The following DAAM1 variants were observed in gnomAD, a reference collection of about 807,000 sequenced individuals.
DAAM1 encodes dishevelled associated activator of morphogenesis 1.
DAAM1 carries 52 observed loss-of-function variants against 130.0 expected under a neutral mutation model. That is an observed-to-expected ratio of 0.40 (90% CI 0.32 to 0.50). The LOEUF is 0.50. Among genes scored for constraint, DAAM1 ranks in the 20% least tolerant of loss-of-function variants. The probability of loss-of-function intolerance (pLI) is 0.61; values close to 1 mark genes in which losing one functional copy is unlikely to be tolerated. For synonymous variants in DAAM1, 452 were observed against 444.5 expected, an observed-to-expected ratio of 1.02 and a Z score of -0.21; for missense variants, 1,134 against 1,303.8, an observed-to-expected ratio of 0.87 and a Z score of 2.01.
chr14:59,210,133 C>A (rs76558755), intron 1 of DAAM1, among the ~76,000 whole-genome samples: 1 of 152,020 alleles, frequency 6.6e-6, no homozygotes, highest in Non-Finnish European at 1.5e-5. Context: ...CTGAATGAGA[C>A]CCTGTCTCTA....
chr14:59,220,569 A>G lies in DAAM1; in HGVS notation c.-38+31801A>G, dbSNP rs558393970. Reference sequence around the variant, plus strand: ...GACCAATAGGAAATCTGTCAAGGGGATTTATTGTAGGAAGGCCAAGGAGTC... The same window carrying G: ...GACCAATAGGAAATCTGTCAAGGGGGTTTATTGTAGGAAGGCCAAGGAGTC... On this transcript the variant is annotated intron_variant, in intron 1 of 24. Coordinates refer to ENST00000360909, the MANE Select transcript of DAAM1 (RefSeq NM_001270520.2). 3.3e-5 allele frequency among the ~76,000 whole-genome samples: 5 copies of G among 152,156 alleles called. No homozygotes were observed. The East Asian group carries it at 9.7e-4, about 29-fold the overall frequency.
chr14:59,338,889 C>G (rs569658823), intron 15 of DAAM1, among the ~76,000 whole-genome samples: 1 of 152,130 alleles, frequency 6.6e-6, no homozygotes, highest in Non-Finnish European at 1.5e-5. Context: ...AATTTAGATG[C>G]TTGATATGCT....
At chr14:59,283,680 C>T (rs1040630013) in intron 2 of DAAM1, among the ~76,000 whole-genome samples, 1 of 152,100 alleles carries the variant, frequency 6.6e-6, no homozygotes, top group Non-Finnish European at 1.5e-5. Flanking sequence ...AAATGATGTA[C>T]CTCTCCTGGA....
intron 1 of DAAM1, among the ~76,000 whole-genome samples, chr14:59,243,980 G>A (rs189026109): frequency 2.0e-5 from 3 of 152,278 alleles, no homozygotes; most frequent in Admixed American, 2.0e-4. Context: ...AAGGGAACAT[G>A]GAAGTTACTG....
At chr14:59,254,953 C>G (rs190588741) in intron 1 of DAAM1, among the ~76,000 whole-genome samples, 19 of 152,194 alleles carry the variant, frequency 1.2e-4, no homozygotes, top group African/African-American at 3.9e-4. Context: ...TATGCATGGA[C>G]TTCACCTGGG....
chr14:59,291,551 A>T (rs928470357), intron 3 of DAAM1: 3 of 444,134 alleles, frequency 6.8e-6, no homozygotes, highest in Non-Finnish European at 1.2e-5. Context: ...GAAACCCAAA[A>T]TAACGTTTGC....
chr14:59,327,402 C>CTTTTTTTTTTTTTTTTTTTTTTTTTTT lies in DAAM1; in HGVS notation c.1372+435_1372+436insTTTTTTTTTTTTTTTTTTTTTTTTTTT. Among the ~76,000 whole-genome samples the CTTTTTTTTTTTTTTTTTTTTTTTTTTT allele has an allele frequency of 1.7e-3, 100 of 58,988 alleles. 17 individuals are homozygous for CTTTTTTTTTTTTTTTTTTTTTTTTTTT. Among genetic ancestry groups the CTTTTTTTTTTTTTTTTTTTTTTTTTTT allele is most frequent in the African/African-American group, 2.5e-3 (32 of 12,916 alleles). The allele number at this position is 58,988 out of a possible 152,430, so 38.7% of individuals were successfully genotyped here. A position where few individuals can be genotyped will look rare whatever the true frequency, so the allele number is the denominator to read the frequency against. On this transcript the variant is annotated intron_variant, in intron 12 of 24. Coordinates refer to ENST00000360909, the MANE Select transcript of DAAM1 (RefSeq NM_001270520.2). ...AAGAGAAGAACAGGTCACTTGGTTT[C>CTTTTTTTTTTTTTTTTTTTTTTTTTTT]TTTTTTTTTTTTTTTTTTTTTTTTG...
intron 1 of DAAM1, among the ~76,000 whole-genome samples, chr14:59,198,205 TTC>T (rs1887970497): frequency 6.8e-6 from 1 of 146,806 alleles, no homozygotes; most frequent in African/African-American, 2.6e-5. Flanking sequence ...TTTCTTTTCT[TTC>T]TTTTTTTTTT....
At chr14:59,190,969 AG>A (rs1481713352) in intron 1 of DAAM1, among the ~76,000 whole-genome samples, 1 of 152,226 alleles carries the variant, frequency 6.6e-6, no homozygotes, top group East Asian at 1.9e-4. Flanking sequence ...ATTATACTTT[AG>A]TATTATAACT....
chr14:59,191,814 G>C (rs1887738111), intron 1 of DAAM1, among the ~76,000 whole-genome samples: 1 of 152,128 alleles, frequency 6.6e-6, no homozygotes, highest in South Asian at 2.1e-4. Context: ...AGAAGCCTTT[G>C]CCAGGCCACC....
At chr14:59,219,674 A>C (rs1192163831) in intron 1 of DAAM1, among the ~76,000 whole-genome samples, 5 of 152,240 alleles carry the variant, frequency 3.3e-5, no homozygotes, top group Non-Finnish European at 5.9e-5. Flanking sequence ...GGTATAGTCA[A>C]GACTTAGTGC....
At chr14:59,212,249 A>G (rs1263012846) in intron 1 of DAAM1, among the ~76,000 whole-genome samples, 1 of 152,218 alleles carries the variant, frequency 6.6e-6, no homozygotes, top group African/African-American at 2.4e-5. Flanking sequence ...GCCATAATTC[A>G]TTTAGTATAG....
intron 1 of DAAM1, among the ~76,000 whole-genome samples, chr14:59,259,826 C>T (rs1354025320): frequency 1.3e-5 from 2 of 152,132 alleles, no homozygotes; most frequent in African/African-American, 4.8e-5. Context: ...AGGCAGATCA[C>T]GAGGTCAGGA....
At chr14:59,247,888 T>C (rs1881462927) in intron 1 of DAAM1, among the ~76,000 whole-genome samples, 2 of 152,226 alleles carry the variant, frequency 1.3e-5, no homozygotes, top group African/African-American at 4.8e-5. Flanking sequence ...TTGTGCAACT[T>C]GGATGGTTAT....
intron 16 of DAAM1, among the ~76,000 whole-genome samples, chr14:59,345,260 T>C (rs746486679): frequency 9.2e-5 from 14 of 152,178 alleles, no homozygotes; most frequent in Non-Finnish European, 1.9e-4. Context: ...TGGGAACATG[T>C]TCATGAGGCA....
In DAAM1 at chr14:59,325,962, T is replaced by C; in HGVS notation, c.1059T>C (p.Val353=). 1.2e-6 allele frequency: 2 copies of C among 1,613,944 alleles called. No individual in the cohort carries two copies. The highest frequency in any genetic ancestry group is 1.7e-6 in the Non-Finnish European group (2 of 1,179,792). ...ELEFAKRFEL[V]HIDTKSATQM... is the part of the protein sequence containing the mutation. ...GATTTCTTTTTCCTGTGAAATAGGTTCACATAGACACAAAAAGTGCAACTC... is the reference window on the plus strand; with the variant it reads ...GATTTCTTTTTCCTGTGAAATAGGTCCACATAGACACAAAAAGTGCAACTC... The change falls in exon 10 of 25, where the codon GTT becomes GTC. Residue 353 remains valine, a splice_region_variant and synonymous_variant. Transcript: ENST00000360909.
intron 1 of DAAM1, among the ~76,000 whole-genome samples, chr14:59,223,274 A>T (rs188812110): frequency 2.1e-4 from 32 of 152,348 alleles, no homozygotes; most frequent in Admixed American, 6.5e-4. Flanking sequence ...GTGCATGCCC[A>T]GCTTTGTGGC....
intron 15 of DAAM1, among the ~76,000 whole-genome samples, chr14:59,335,042 CTA>C (rs1860266821): frequency 6.6e-6 from 1 of 152,160 alleles, no homozygotes; most frequent in South Asian, 2.1e-4. Context: ...ACCCCCAACT[CTA>C]TGAGTAGATA....
intron 2 of DAAM1, among the ~76,000 whole-genome samples, chr14:59,271,483 A>G (rs117439037): frequency 0.036 from 5,472 of 152,268 alleles, 117 homozygotes; most frequent in Non-Finnish European, 0.058. Context: ...AGAAATGAAG[A>G]TAGTAGAAAT....
Sources: allele counts gnomAD v4.1 joint callset (sites outside exome capture counted in the v4.1 genomes callset), GRCh38; gene constraint gnomAD v4.1.1; transcripts MANE v1.5; gene names NCBI Gene and HGNC (gene_info 2026-07-23, HGNC 2026-07-21).